The following HR variants were observed in gnomAD, a reference collection of about 807,000 sequenced individuals.
HR encodes the protein HR lysine demethylase and nuclear receptor corepressor.
In HR, 83 loss-of-function variants were observed where a neutral mutation model predicts 128.6. That is an observed-to-expected ratio of 0.65 (90% confidence interval 0.54 to 0.77). The LOEUF (loss-of-function observed/expected upper bound fraction) is 0.77. Among genes scored for constraint, HR ranks in the 30% least tolerant of loss-of-function variants. The probability of loss-of-function intolerance (pLI) is 0.00; values close to 1 mark genes in which losing one functional copy is unlikely to be tolerated. For synonymous variants in HR, 681 were observed against 658.2 expected, an observed-to-expected ratio of 1.03 and a Z score of -0.53; for missense variants, 1,490 against 1,574.6, an observed-to-expected ratio of 0.95 and a Z score of 0.91.
At chr8:22,118,924 G>A (rs1269549634) in intron 16 of HR, 26 bp downstream of exon 16, 6 of 1,591,612 alleles carry the variant, frequency 3.8e-6, no homozygotes, top group Non-Finnish European at 5.2e-6. Context: ...CGGGGGGAAG[G>A]GGAGGGCTCC....
chr8:22,120,753 C>A lies in HR; in HGVS notation c.2573G>T (p.Gly858Val). The A allele has an allele frequency of 6.6e-7, 1 of 1,512,946 alleles. No homozygotes were observed. Among genetic ancestry groups the A allele is most frequent in the South Asian group, 1.3e-5 (1 of 79,916 alleles). The allele number at this position is 1,512,946 out of a possible 1,614,324, so 93.7% of individuals were successfully genotyped here. The change falls in exon 11 of 19, where the codon GGC (glycine) becomes GTC (valine). Residue 858 changes from glycine to valine, a missense_variant. Coordinates refer to ENST00000381418, the MANE Select transcript of HR (RefSeq NM_005144.5). ...LQEPQPCPRR[G>V]FHLFQEHWRQ... ...CCAGTGCTCCTGGAAGAGGTGGAAG[C>A]CACGCCGAGGGCAAGGCTGGGGCTC... is the stretch of plus-strand genomic sequence containing the variant.
At position 22,121,062 on chromosome 8, in the gene HR, C is replaced by T. The variant is rs1214430786; in HGVS notation, c.2367+3G>A. The T allele has an allele frequency of 6.2e-7, 1 of 1,613,588 alleles. No individual in the cohort carries two copies. Among genetic ancestry groups the T allele is most frequent in the East Asian group, 2.2e-5 (1 of 44,870 alleles). On this transcript the variant is annotated splice_donor_region_variant and intron_variant, in intron 10 of 18. Transcript: ENST00000381418. ...CTAGCCCTCCCTCCGTGCCCTCACT[C>T]ACACTGGGCAGGGCCGGAGTGACGG...
In HR at chr8:22,120,763, G is replaced by A. The variant is rs1261061181; in HGVS notation, c.2563C>T (p.Pro855Ser). The A allele has an allele frequency of 2.0e-6, 3 of 1,523,476 alleles. No homozygotes were observed. Among genetic ancestry groups the A allele is most frequent in the South Asian group, 1.2e-5 (1 of 81,536 alleles). The allele number at this position is 1,523,476 out of a possible 1,614,324, so 94.4% of individuals were successfully genotyped here. ...TGGAAGAGGTGGAAGCCACGCCGAG[G>A]GCAAGGCTGGGGCTCCTGCAGCCAC... ...LLWLQEPQPC[P>S]RRGFHLFQEH... Residue 855 changes from proline (P) to serine (S), a missense_variant, in exon 11 of 19, where the codon CCT becomes TCT. Pro to Ser is a moderately conservative substitution (Grantham distance 74). Around this residue, in one of 3 missense-constraint regions of HR, gnomAD observed 423 missense variants for 495.9 expected, o/e 0.85. Coordinates refer to ENST00000381418, the MANE Select transcript of HR (RefSeq NM_005144.5).
chr8:22,120,221 C>T, intron 12 of HR, 48 bp from the exon 13 acceptor site: 1 of 1,596,454 alleles, frequency 6.3e-7, no homozygotes. Context: ...CCCTGAAGCC[C>T]CTGCCCCGGC....
At chr8:22,121,379 C>T (rs1306606201) in intron 9 of HR, 151 bp from the exon 10 acceptor site, 4 of 1,108,526 alleles carry the variant, frequency 3.6e-6, no homozygotes, top group Admixed American at 4.7e-5. Context: ...CTGGGTCTCC[C>T]CGCTCTACTG....
In HR at chr8:22,120,338, T is replaced by A; in HGVS notation, c.2776+4A>T. On this transcript the variant is annotated splice_donor_region_variant and intron_variant, in intron 12 of 18. Transcript: ENST00000381418. ...TCCCTCTCCCCTGTGTTGGGGACAC[T>A]TACGCTCAGGCCAGGAGAAGCCCTC... 6.2e-7 allele frequency: 1 copy of A among 1,613,716 alleles called. No homozygotes were observed. Among genetic ancestry groups the A allele is most frequent in the East Asian group, 2.2e-5 (1 of 44,866 alleles).
chr8:22,125,693 A>G lies in HR; in HGVS notation c.1445T>C (p.Leu482Pro), dbSNP rs1481349795. The G allele has an allele frequency of 1.9e-6, 3 of 1,613,964 alleles. No individual in the cohort carries two copies. Among genetic ancestry groups the G allele is most frequent in the East Asian group, 4.5e-5 (2 of 44,882 alleles). Residue 482 changes from leucine to proline, a missense_variant, in exon 4 of 19, where the codon CTT becomes CCT. By Grantham distance (98) the Leu-to-Pro change is moderately conservative. This residue lies in a region of HR where 1,060 missense variants were observed against 1,060.9 expected (regional missense o/e 1.00). Coordinates refer to ENST00000381418, the MANE Select transcript of HR (RefSeq NM_005144.5). ...DGQASLQDPG[L>P]QDIPCLALPA... Reference sequence around the variant, plus strand: ...GAGAGCCAGGCATGGTATGTCCTGAAGTCCCGGGTCCTGGAGACTGGCCTG... The same window carrying G: ...GAGAGCCAGGCATGGTATGTCCTGAGGTCCCGGGTCCTGGAGACTGGCCTG...
rs1586379105 is a variant in HR, at chr8:22,123,631, C to A, written c.1915+18G>T. On this transcript the variant is annotated intron_variant, in intron 6 of 18. Transcript: ENST00000381418. ...TGAGGGCTCCATCCCGCCCTCCCACCCCCAGCCCCTCTCCTACCTGCTTTC... is the reference window on the plus strand; with the variant it reads ...TGAGGGCTCCATCCCGCCCTCCCACACCCAGCCCCTCTCCTACCTGCTTTC... 7.0e-7 allele frequency: 1 copy of A among 1,429,756 alleles called. No individual in the cohort carries two copies. Among genetic ancestry groups the A allele is most frequent in the Non-Finnish European group, 9.5e-7 (1 of 1,056,152 alleles). The allele number at this position is 1,429,756 out of a possible 1,614,324, so 88.6% of individuals were successfully genotyped here.
At chr8:22,121,503 G>T (rs1007854320) in intron 9 of HR, 110 bp downstream of exon 9, 19 of 1,119,136 alleles carry the variant, frequency 1.7e-5, no homozygotes, top group Non-Finnish European at 2.0e-5. Context: ...TATTGGGGGT[G>T]GGGGGGAGTT....
At chr8:22,120,613 C>G (rs1433472867) in intron 11 of HR, 103 bp downstream of exon 11, 7 of 1,575,902 alleles carry the variant, frequency 4.4e-6, no homozygotes, top group Non-Finnish European at 6.0e-6. Context: ...GGACAGCCCT[C>G]CTGCTCCCCC....
At chr8:22,129,260 A>T in intron 1 of HR, 50 bp from the exon 2 acceptor site, 13 of 1,464,278 alleles carry the variant, frequency 8.9e-6, no homozygotes, top group Non-Finnish European at 1.2e-5. Flanking sequence ...TGTCCCAAGC[A>T]CCTTACAGCC....
chr8:22,122,757 C>A (rs1280059597), intron 7 of HR, 33 bp downstream of exon 7: 2 of 1,543,308 alleles, frequency 1.3e-6, no homozygotes, highest in Admixed American at 2.0e-5. Context: ...AGGACCCAAC[C>A]TCTGCACGCC....
At position 22,128,380 on chromosome 8, in the gene HR, G is replaced by T. The variant is rs1187702318; in HGVS notation, c.612+179C>A. On this transcript the variant is annotated intron_variant, in intron 2 of 18. Transcript: ENST00000381418. The stretch of plus-strand genomic sequence containing the variant: ...GGCAGGGGAGGCCTAGAGAGATGGA[G>T]CTGCTCAGGGTAGGGCTTGCTTGGG... 7 of 803,684 alleles carry T rather than the reference G, an allele frequency of 8.7e-6. No individual in the cohort carries two copies. The African/African-American group carries it at 1.0e-4, about 12-fold the overall frequency. The allele number at this position is 803,684 out of a possible 1,614,324, so 49.8% of individuals were successfully genotyped here.
Position 22,122,510 on chromosome 8 carries a change from C to A in HR, c.2104G>T (p.Gly702Trp), listed in dbSNP as rs138941448. The A allele has an allele frequency of 4.1e-4, 667 of 1,609,050 alleles. 2 individuals carry two copies. In the East Asian group the frequency reaches 0.014, roughly 33 times the overall value. Residue 702 changes from glycine (G) to tryptophan (W), a missense_variant, in exon 8 of 19, where the codon GGG becomes TGG. Around this residue, in one of 3 missense-constraint regions of HR, gnomAD observed 1,060 missense variants for 1,060.9 expected, o/e 1.00. Transcript: ENST00000381418. The part of the protein sequence containing the change: ...CQADARVWAP[G>W]DAGQQKESTQ... ...GGTCTTACCTGCTGGCCTGCATCCC[C>A]GGGGGCCCATACCCGGGCATCAGCT... is the stretch of plus-strand genomic sequence containing the variant.
Position 22,125,521 on chromosome 8 carries a change from G to T in HR, c.1557-17C>A, listed in dbSNP as rs1194149865. 1 of 1,613,188 alleles carries T rather than the reference G, an allele frequency of 6.2e-7. No homozygotes were observed. The highest frequency in any genetic ancestry group is 2.2e-5 in the East Asian group (1 of 44,868). On this transcript the variant is annotated splice_polypyrimidine_tract_variant and intron_variant, in intron 4 of 18. Transcript: ENST00000381418. ...AGAGGCGATCTGGAGAGAGGGCAGG[G>T]GGAGGTGAGCAGGGAGCCCTGGCGA...
Position 22,128,956 on chromosome 8 carries a change from A to G in HR, c.215T>C (p.Met72Thr). Reference sequence around the variant, plus strand: ...GCCCTCGCCCTCCACAAGTGGGAGCATGTCCTTGGGGCCCTGGGGGAAGCC... The same window carrying G: ...GCCCTCGCCCTCCACAAGTGGGAGCGTGTCCTTGGGGCCCTGGGGGAAGCC... ...PPGFPQGPKD[M>T]LPLVEGEGPQ... is the part of the protein sequence containing the mutation. The change falls in exon 2 of 19, where the codon ATG (methionine) becomes ACG (threonine). Residue 72 changes from methionine (M) to threonine (T), a missense_variant. This residue lies in a region of HR where 1,060 missense variants were observed against 1,060.9 expected (regional missense o/e 1.00). Transcript: ENST00000381418. 1.2e-6 allele frequency: 2 copies of G among 1,613,416 alleles called. No homozygotes were observed. The highest frequency in any genetic ancestry group is 1.7e-6 in the Non-Finnish European group (2 of 1,180,008).
chr8:22,119,635 A>T, intron 14 of HR, 125 bp downstream of exon 14: 1 of 1,227,270 alleles, frequency 8.1e-7, no homozygotes, highest in Non-Finnish European at 1.1e-6. Context: ...AAAAAAAGAA[A>T]GAAAGAAATG....
At chr8:22,129,877 A>T (rs1398356023) in intron 1 of HR, among the ~76,000 whole-genome samples, 1 of 152,224 alleles carries the variant, frequency 6.6e-6, no homozygotes, top group Non-Finnish European at 1.5e-5. Context: ...CTTCTCAAGC[A>T]GAGTCCCAGG....
rs1563188863 is a variant in HR at position 22,128,901 on chromosome 8, C to A, written c.270G>T (p.Trp90Cys). The change falls in exon 2 of 19, where the codon TGG (tryptophan) becomes TGT (cysteine). Residue 90 changes from tryptophan (W) to cysteine (C), a missense_variant. Transcript: ENST00000381418. The stretch of plus-strand genomic sequence containing the variant: ...AGCGCAGTCCCTCTTTGCTGCCCAG[C>A]CAGTTGACCTTCCTCTCCCCATTCT... Reference protein sequence around the residue: ...GPQNGERKVNWLGSKEGLRWK... With the variant: ...GPQNGERKVNCLGSKEGLRWK... 1 of 1,613,516 alleles carries A rather than the reference C, an allele frequency of 6.2e-7. No homozygotes were observed. Among genetic ancestry groups the A allele is most frequent in the Non-Finnish European group, 8.5e-7 (1 of 1,180,020 alleles).
Sources: gnomAD v4.1 joint callset for allele counts (sites outside exome capture counted in the v4.1 genomes callset) on GRCh38, gnomAD v4.1.1 for gene constraint, gnomAD v4.1.1 regional missense constraint, MANE v1.5 for transcripts, NCBI Gene and HGNC (gene_info 2026-07-23, HGNC 2026-07-21) for gene names.